CHD8: variants seen among roughly 807,000 people sequenced by gnomAD.
The protein encoded by CHD8 is ATP-dependent chromatin remodeler CHD8.
Under a neutral mutation model 279.2 loss-of-function variants are expected in CHD8, and 31 were observed. That is an observed-to-expected ratio of 0.11 (90% CI 0.08 to 0.15). The LOEUF (loss-of-function observed/expected upper bound fraction) is 0.15, where lower values mean the gene tolerates loss of function less well. Ranked by LOEUF, CHD8 falls within the 10% of genes least tolerant of loss-of-function variation. CHD8 has a pLI of 1.00. For missense variants in CHD8, 2,146 were observed against 3,230.5 expected (o/e 0.66, Z 8.14); for synonymous variants, 1,081 against 1,139.6 (o/e 0.95, Z 1.04).
rs1888173239 is a variant in CHD8 at position 21,404,410 on chromosome 14, A to AC, written c.3308-748_3308-747insG. 3.9e-5 allele frequency among the ~76,000 whole-genome samples: 6 copies of AC among 152,068 alleles called. No homozygotes were observed. In the South Asian group the frequency reaches 1.2e-3, roughly 32 times the overall value. On this transcript the variant is annotated intron_variant, in intron 16 of 37. Coordinates refer to ENST00000646647, the MANE Select transcript of CHD8 (RefSeq NM_001170629.2). Reference sequence around the variant, plus strand: ...TGAAACTCCATCTTAAAAAAAAAAAAAAAAAAAAAACTTAAATCATCCTCA... The same window carrying AC: ...TGAAACTCCATCTTAAAAAAAAAAAACAAAAAAAAAACTTAAATCATCCTCA...
intron 2 of CHD8, 150 bp from the exon 3 acceptor site, chr14:21,429,485 T>C (rs1889473524): frequency 2.3e-6 from 2 of 860,692 alleles, no homozygotes; most frequent in Non-Finnish European, 3.9e-6. Flanking sequence ...CTATCTGTCT[T>C]GATGCAATCT....
In CHD8 at chr14:21,406,885, G is replaced by A; in HGVS notation, c.2878C>T (p.Leu960=). 2 of 1,613,650 alleles carry A rather than the reference G, an allele frequency of 1.2e-6. No homozygotes were observed. The highest frequency in any genetic ancestry group is 1.7e-6 in the Non-Finnish European group (2 of 1,179,758). The part of the protein sequence containing the change: ...AHRLKNRNCK[L]LDSLKHMDLE... ...TCCATGTGCTTGAGACTATCAAGCA[G>A]CTTGCAATTACGGTTTTTCAGTCGA... The change falls in exon 14 of 38, where the codon CTG becomes TTG. Residue 960 remains leucine, a synonymous_variant. Transcript: ENST00000646647.
At chr14:21,395,620 C>T (rs1887748467) in intron 28 of CHD8, 197 bp downstream of exon 28, 1 of 594,542 alleles carries the variant, frequency 1.7e-6, no homozygotes, top group South Asian at 2.2e-5. Context: ...TGTCCAGCTC[C>T]TCCATAAAGT....
At chr14:21,433,143 C>T (rs1188259577) in intron 1 of CHD8, among the ~76,000 whole-genome samples, 1 of 152,202 alleles carries the variant, frequency 6.6e-6, no homozygotes, top group Non-Finnish European at 1.5e-5. Context: ...AATCAAAAAA[C>T]AGTTAATGAA....
Position 21,392,488 on chromosome 14 carries a change from GC to G in CHD8, c.6771+18del. ...CCAGCCTCCTTCCCCACTTCCCAATGCCCAAATGCTGAGCTTACATCTTTGA... is the reference window on the plus strand; with the variant it reads ...CCAGCCTCCTTCCCCACTTCCCAATGCCAAATGCTGAGCTTACATCTTTGA... On this transcript the variant is annotated intron_variant, in intron 34 of 37. Transcript: ENST00000646647. 6.2e-7 allele frequency: 1 copy of G among 1,601,634 alleles called. No homozygotes were observed. Among genetic ancestry groups the G allele is most frequent in the South Asian group, 1.1e-5 (1 of 90,098 alleles).
chr14:21,392,376 C>A, intron 34 of CHD8, 131 bp downstream of exon 34: 1 of 923,436 alleles, frequency 1.1e-6, no homozygotes. Context: ...CTAAATGGAT[C>A]TTTGTAAGCT....
chr14:21,428,851 G>T, intron 3 of CHD8, 113 bp downstream of exon 3: 1 of 901,400 alleles, frequency 1.1e-6, no homozygotes, highest in Non-Finnish European at 1.7e-6. Flanking sequence ...CCTCAGTTCA[G>T]AGATATAAAT....
rs1414994539 is a variant in CHD8 at position 21,448,387 on chromosome 14, TAA to T, written c.-216+7643_-216+7644del. ...TTATCTTCAAAATAACTAAGTTAAA[TAA>T]AAGAAACAAACTATTTACTCTTTTT... On this transcript the variant is annotated intron_variant, in intron 1 of 37. Transcript: ENST00000646647. Among the ~76,000 whole-genome samples the T allele has an allele frequency of 2.6e-5, 4 of 152,314 alleles. No homozygotes were observed. The East Asian group carries it at 7.7e-4, about 29-fold the overall frequency.
chr14:21,439,040 T>C (rs940540346), intron 1 of CHD8, among the ~76,000 whole-genome samples: 5 of 151,808 alleles, frequency 3.3e-5, no homozygotes, highest in African/African-American at 1.2e-4. Flanking sequence ...GGCACGAGGA[T>C]TGCTTGAACC....
chr14:21,403,240 TAA>T lies in CHD8; in HGVS notation c.3519-30_3519-29del. The T allele has an allele frequency of 6.2e-7, 1 of 1,602,980 alleles. No individual in the cohort carries two copies. Among genetic ancestry groups the T allele is most frequent in the Non-Finnish European group, 8.5e-7 (1 of 1,172,230 alleles). On this transcript the variant is annotated intron_variant, in intron 17 of 37. Transcript: ENST00000646647. The surrounding 1 kb of genome is among the most constrained non-coding windows in gnomAD (Gnocchi z 4.3). ...GTATGGGAATCGCAGAAAAAAAATG[TAA>T]GTGGCTAAGCAGAAGTGGAGACCAA...
chr14:21,420,978 A>C (rs1326158522), intron 5 of CHD8, among the ~76,000 whole-genome samples: 1 of 151,908 alleles, frequency 6.6e-6, no homozygotes, highest in Non-Finnish European at 1.5e-5. Flanking sequence ...GTCAGGCTGG[A>C]CTCGAACTCC....
At position 21,408,248 on chromosome 14, in the gene CHD8, T is replaced by C; in HGVS notation, c.2730+64A>G. 1 of 1,570,974 alleles carries C rather than the reference T, an allele frequency of 6.4e-7. No individual in the cohort carries two copies. Among genetic ancestry groups the C allele is most frequent in the Non-Finnish European group, 8.6e-7 (1 of 1,159,108 alleles). ...AAGTCTTCTATTCATATATAGCCCT[T>C]AAAATACCAGGTACCTTGGCCGACT... On this transcript the variant is annotated intron_variant, in intron 13 of 37. Coordinates refer to ENST00000646647, the MANE Select transcript of CHD8 (RefSeq NM_001170629.2). The surrounding 1 kb of genome is among the most constrained non-coding windows in gnomAD (Gnocchi z 4.3).
Position 21,405,666 on chromosome 14 carries a change from T to C in CHD8, c.3051+55A>G. 1 of 1,596,774 alleles carries C rather than the reference T, an allele frequency of 6.3e-7. No individual in the cohort carries two copies. Among genetic ancestry groups the C allele is most frequent in the Non-Finnish European group, 8.6e-7 (1 of 1,168,276 alleles). ...CCCATGACAACAGATGTCTGCCTTG[T>C]ACAAACTTCACCTTCTTTGTCCTGA... On this transcript the variant is annotated intron_variant, in intron 15 of 37. Transcript: ENST00000646647. The surrounding 1 kb of genome is among the most constrained non-coding windows in gnomAD (Gnocchi z 4.2).
rs773876636 is a variant in CHD8, at chr14:21,386,091, C to T, written c.7268G>A (p.Arg2423Gln). The change falls in exon 38 of 38, where the codon CGA becomes CAA. Residue 2423 changes from arginine (R) to glutamine (Q), a missense_variant. Physicochemically the swap from Arg to Gln is conservative, Grantham distance 43. Coordinates refer to ENST00000646647, the MANE Select transcript of CHD8 (RefSeq NM_001170629.2). ...GGCCATCATCTTAGAAAGGTCTGGT[C>T]GCATCCTACGGGCCCGCTTCTTGCT... The part of the protein sequence containing the change: ...ESSKKRARRM[R>Q]PDLSKMMALM... The T allele has an allele frequency of 1.7e-5, 26 of 1,566,012 alleles. No individual in the cohort carries two copies. Among genetic ancestry groups the T allele is most frequent in the African/African-American group, 2.7e-5 (2 of 73,718 alleles).
At chr14:21,436,179 G>T (rs899818776) in intron 1 of CHD8, among the ~76,000 whole-genome samples, 4 of 152,144 alleles carry the variant, frequency 2.6e-5, no homozygotes, top group Non-Finnish European at 4.4e-5. Flanking sequence ...GTTCAGAAAA[G>T]AATAAACTAT....
chr14:21,447,934 T>C (rs1392037190), intron 1 of CHD8, among the ~76,000 whole-genome samples: 1 of 152,178 alleles, frequency 6.6e-6, no homozygotes, highest in Non-Finnish European at 1.5e-5. Flanking sequence ...AATCTCTAAC[T>C]GGGCCAATGT....
At chr14:21,386,795 C>T (rs1047829551) in intron 37 of CHD8, among the ~76,000 whole-genome samples, 17 of 150,894 alleles carry the variant, frequency 1.1e-4, no homozygotes, top group South Asian at 1.0e-3. Flanking sequence ...GCCGAGATCG[C>T]GCCACTGCAC....
intron 2 of CHD8, 68 bp downstream of exon 2, chr14:21,430,733 C>T: frequency 2.1e-6 from 2 of 952,288 alleles, no homozygotes; most frequent in Non-Finnish European, 3.1e-6. Context: ...CTCATGTGCT[C>T]ACTCTCTCAA....
rs943685830 is a variant in CHD8 at position 21,415,436 on chromosome 14, G to A, written c.1968+138C>T. The A allele has an allele frequency of 4.8e-6, 2 of 416,110 alleles. 1 individual carries two copies. The highest frequency in any genetic ancestry group is 7.8e-6 in the Non-Finnish European group (2 of 256,560). The allele number at this position is 416,110 out of a possible 1,614,324, so 25.8% of individuals were successfully genotyped here. A position where few individuals can be genotyped will look rare whatever the true frequency, so the allele number is the denominator to read the frequency against. ...AATAGCTCAAGCCCAGAAGTTCATA[G>A]TGTGCTACGATCATATCTATGAATA... is the stretch of plus-strand genomic sequence containing the variant. On this transcript the variant is annotated intron_variant, in intron 7 of 37. Coordinates refer to ENST00000646647, the MANE Select transcript of CHD8 (RefSeq NM_001170629.2).
Sources: allele counts gnomAD v4.1 joint callset (sites outside exome capture counted in the v4.1 genomes callset), GRCh38; gene constraint gnomAD v4.1.1; non-coding constraint Gnocchi (gnomAD v3.1); transcripts MANE v1.5; gene names NCBI Gene and HGNC (gene_info 2026-07-23, HGNC 2026-07-21).